Variants in MOXD1 observed in about 807,000 individuals in gnomAD.
MOXD1 encodes monooxygenase DBH like 1.
Under a neutral mutation model 66.6 loss-of-function variants are expected in MOXD1, and 62 were observed. The observed-to-expected ratio is 0.93, with a 90% CI of 0.76 to 1.15. The LOEUF is 1.15. Ranked by LOEUF, MOXD1 falls within the 50% of genes most tolerant of loss-of-function variation. The probability of loss-of-function intolerance (pLI) is 0.00; values close to 1 mark genes in which losing one functional copy is unlikely to be tolerated. For missense variants in MOXD1, 847 were observed against 754.6 expected (o/e 1.12, Z -1.44); for synonymous variants, 303 against 281.9 (o/e 1.07, Z -0.75).
At chr6:132,330,725 C>T (rs1281906061) in intron 4 of MOXD1, among the ~76,000 whole-genome samples, 1 of 152,234 alleles carries the variant, frequency 6.6e-6, no homozygotes, top group African/African-American at 2.4e-5. Flanking sequence ...CTACTTTCAG[C>T]ATGCACATTT....
intron 4 of MOXD1, among the ~76,000 whole-genome samples, chr6:132,369,083 T>A (rs1370968298): frequency 6.6e-6 from 1 of 152,030 alleles, no homozygotes; most frequent in Non-Finnish European, 1.5e-5. Flanking sequence ...CCCTACATAA[T>A]GAGATGGAGC....
intron 4 of MOXD1, among the ~76,000 whole-genome samples, chr6:132,340,911 G>T (rs1010733728): frequency 6.6e-6 from 1 of 152,124 alleles, no homozygotes; most frequent in Admixed American, 6.5e-5. Context: ...CTCCCAACGT[G>T]CTGGGATTAC....
At chr6:132,312,034 A>G (rs151300663) in intron 10 of MOXD1, among the ~76,000 whole-genome samples, 5 of 152,258 alleles carry the variant, frequency 3.3e-5, no homozygotes, top group African/African-American at 1.2e-4. Flanking sequence ...AGACCTGCAT[A>G]TTCAGTCTTG....
At position 132,296,978 on chromosome 6, in the gene MOXD1, G is replaced by T. The variant is rs1293513175; in HGVS notation, c.*175C>A. The T allele has an allele frequency of 9.1e-6, 5 of 551,670 alleles. No homozygotes were observed. The highest frequency in any genetic ancestry group is 2.9e-5 in the East Asian group (1 of 35,030). The allele number at this position is 551,670 out of a possible 1,614,324, so 34.2% of individuals were successfully genotyped here. On this transcript the variant is annotated 3_prime_UTR_variant, in exon 12 of 12. Coordinates refer to ENST00000367963, the MANE Select transcript of MOXD1 (RefSeq NM_015529.4). ...TAACATCAGATATTTCTAAGAAAGAGAAGAGAACCTGATTGATGTCTCTCA... is the reference window on the plus strand; with the variant it reads ...TAACATCAGATATTTCTAAGAAAGATAAGAGAACCTGATTGATGTCTCTCA...
chr6:132,348,135 C>T (rs1327154232), intron 4 of MOXD1, among the ~76,000 whole-genome samples: 1 of 152,142 alleles, frequency 6.6e-6, no homozygotes, highest in Non-Finnish European at 1.5e-5. Context: ...TCCTAAATCT[C>T]CTGTTGCTTT....
intron 2 of MOXD1, among the ~76,000 whole-genome samples, chr6:132,373,794 A>G (rs1465408514): frequency 6.6e-6 from 1 of 152,246 alleles, no homozygotes; most frequent in Non-Finnish European, 1.5e-5. Flanking sequence ...ATAATAACGC[A>G]AAAGTATTTT....
In MOXD1 at chr6:132,377,595, C is replaced by T. The variant is rs187838211; in HGVS notation, c.265-2818G>A. Among the ~76,000 whole-genome samples, 3 of 152,264 alleles carry T rather than the reference C, an allele frequency of 2.0e-5. No individual in the cohort carries two copies. The East Asian group carries it at 5.8e-4, about 29-fold the overall frequency. On this transcript the variant is annotated intron_variant, in intron 1 of 11. Transcript: ENST00000367963. ...CTTAGTTATTAGAAAATGAGAGAAA[C>T]TTCACTCAACTTATGTTGATGACCC...
chr6:132,334,793 G>A (rs576279833), intron 4 of MOXD1, among the ~76,000 whole-genome samples: 4 of 152,074 alleles, frequency 2.6e-5, no homozygotes, highest in Admixed American at 2.0e-4. Context: ...GACACAATAT[G>A]ATTGAAAAAA....
Position 132,333,319 on chromosome 6 carries a change from G to T in MOXD1, c.664-4725C>A, listed in dbSNP as rs561010700. ...CCACTGCACTCCAGCCTGGGCTACA[G>T]AGTGAGACTCCGTCTCAAAAAAAAA... is the stretch of plus-strand genomic sequence containing the variant. On this transcript the variant is annotated intron_variant, in intron 4 of 11. Coordinates refer to ENST00000367963, the MANE Select transcript of MOXD1 (RefSeq NM_015529.4). 8.9e-4 allele frequency among the ~76,000 whole-genome samples: 122 copies of T among 137,716 alleles called. 1 individual carries two copies. The highest frequency in any genetic ancestry group is 3.4e-3 in the African/African-American group (120 of 34,952). 90.3% of individuals were successfully genotyped at this position (137,716 alleles called of 152,430 possible).
chr6:132,355,449 T>C (rs969887402), intron 4 of MOXD1, among the ~76,000 whole-genome samples: 4 of 152,198 alleles, frequency 2.6e-5, no homozygotes, highest in African/African-American at 9.6e-5. Flanking sequence ...TTCTCCGGTA[T>C]GTAGGCTGGG....
At chr6:132,393,535 A>G (rs1240781654) in intron 1 of MOXD1, among the ~76,000 whole-genome samples, 1 of 152,148 alleles carries the variant, frequency 6.6e-6, no homozygotes, top group African/African-American at 2.4e-5. Flanking sequence ...CCTGCCACAG[A>G]ATTCTACAAT....
intron 4 of MOXD1, among the ~76,000 whole-genome samples, chr6:132,329,067 A>T (rs1357651725): frequency 6.6e-6 from 1 of 151,946 alleles, no homozygotes; most frequent in Admixed American, 6.6e-5. Flanking sequence ...TGCACCCATT[A>T]ACTCGTCATT....
At chr6:132,310,057 A>C (rs1254612668) in intron 10 of MOXD1, among the ~76,000 whole-genome samples, 1 of 152,160 alleles carries the variant, frequency 6.6e-6, no homozygotes, top group Non-Finnish European at 1.5e-5. Flanking sequence ...TCATCAGATC[A>C]AAGAGACAAC....
At chr6:132,400,980 C>T (rs1777010365) in intron 1 of MOXD1, among the ~76,000 whole-genome samples, 183 bp downstream of exon 1, 1 of 152,238 alleles carries the variant, frequency 6.6e-6, no homozygotes, top group South Asian at 2.1e-4. Context: ...TACCGCGCGC[C>T]TTCTGGGGCT....
intron 10 of MOXD1, among the ~76,000 whole-genome samples, chr6:132,299,365 A>C (rs1379439943): frequency 6.6e-6 from 1 of 152,090 alleles, no homozygotes; most frequent in Non-Finnish European, 1.5e-5. Flanking sequence ...CATACTCTAA[A>C]CCTCAGTTTC....
At chr6:132,335,868 A>G (rs546984381) in intron 4 of MOXD1, among the ~76,000 whole-genome samples, 8 of 152,334 alleles carry the variant, frequency 5.3e-5, no homozygotes, top group Admixed American at 1.3e-4. Context: ...TTTCTCATAC[A>G]TGACTGAAGC....
chr6:132,349,562 G>A (rs578034178), intron 4 of MOXD1, among the ~76,000 whole-genome samples: 46 of 145,822 alleles, frequency 3.2e-4, no homozygotes, highest in Admixed American at 1.8e-3. Context: ...TTGCAATTGC[G>A]AAATGTGCCG....
intron 4 of MOXD1, among the ~76,000 whole-genome samples, chr6:132,351,325 A>G (rs1403987033): frequency 2.6e-5 from 4 of 152,066 alleles, no homozygotes; most frequent in Non-Finnish European, 5.9e-5. Context: ...TTGTATGCCG[A>G]CTTTGCTAAG....
intron 1 of MOXD1, among the ~76,000 whole-genome samples, chr6:132,394,486 C>T (rs1776831453): frequency 6.6e-6 from 1 of 151,540 alleles, no homozygotes; most frequent in Non-Finnish European, 1.5e-5. Flanking sequence ...TAAGAAATAC[C>T]CCCCAAAAAA....
Sources: allele counts gnomAD v4.1 joint callset (sites outside exome capture counted in the v4.1 genomes callset), GRCh38; gene constraint gnomAD v4.1.1; transcripts MANE v1.5; gene names NCBI Gene and HGNC (gene_info 2026-07-23, HGNC 2026-07-21).